The following SEC63 variants were observed in gnomAD, a reference collection of about 807,000 sequenced individuals.
SEC63 encodes the protein SEC63 protein translocation regulator, also known as translocation protein SEC63 homolog.
A neutral mutation model predicts 116.2 loss-of-function variants in SEC63; 56 were observed. The ratio of observed to expected loss-of-function variants is 0.48; its 90% CI spans 0.39 to 0.60. The LOEUF (loss-of-function observed/expected upper bound fraction) is 0.60. Among genes scored for constraint, SEC63 ranks in the 20% least tolerant of loss-of-function variants. The pLI, the probability that SEC63 is intolerant of heterozygous loss-of-function variation, is 0.00. For missense variants in SEC63, 668 were observed against 900.0 expected (o/e 0.74, Z 3.30); for synonymous variants, 273 against 294.6 (o/e 0.93, Z 0.75).
At position 107,901,520 on chromosome 6, in the gene SEC63, G is replaced by GAA; in HGVS notation, c.1210-5_1210-4dup. On this transcript the variant is annotated splice_region_variant and splice_polypyrimidine_tract_variant and intron_variant, in intron 12 of 20. Transcript: ENST00000369002. The stretch of plus-strand genomic sequence containing the variant: ...TCCTGGATAGTTTTAATTTTATACT[G>GAA]AATAAAAAAAAAAAAGAAAATACAT... The GAA allele has an allele frequency of 6.8e-7, 1 of 1,479,674 alleles. No homozygotes were observed. The highest frequency in any genetic ancestry group is 9.2e-7 in the Non-Finnish European group (1 of 1,087,572). 91.7% of individuals were successfully genotyped at this position (1,479,674 alleles called of 1,614,324 possible). A position where few individuals can be genotyped will look rare whatever the true frequency, so the allele number is the denominator to read the frequency against.
intron 16 of SEC63, among the ~76,000 whole-genome samples, chr6:107,885,240 C>T (rs752023079): frequency 1.3e-5 from 2 of 152,142 alleles, no homozygotes; most frequent in African/African-American, 2.4e-5. Flanking sequence ...TCTTTATTCA[C>T]AGATGGCAAC....
intron 2 of SEC63, 74 bp downstream of exon 2, chr6:107,929,341 T>C (rs1240543477): frequency 1.3e-5 from 10 of 781,712 alleles, no homozygotes; most frequent in Non-Finnish European, 2.0e-5. Context: ...TTATTCATCA[T>C]TACACGTATA....
At position 107,911,404 on chromosome 6, in the gene SEC63, T is replaced by A; in HGVS notation, c.574-8A>T. The A allele has an allele frequency of 2.5e-6, 4 of 1,587,250 alleles. No individual in the cohort carries two copies. The highest frequency in any genetic ancestry group is 2.6e-6 in the Non-Finnish European group (3 of 1,156,048). On this transcript the variant is annotated splice_polypyrimidine_tract_variant and splice_region_variant and intron_variant, in intron 6 of 20. Transcript: ENST00000369002. The stretch of plus-strand genomic sequence containing the variant: ...TCCATATACAAGTAAAACCTAAAAT[T>A]GAAGAGAAAAAGAATTATGGCCTTC...
intron 13 of SEC63, among the ~76,000 whole-genome samples, chr6:107,900,730 C>T (rs981977527): frequency 6.6e-6 from 1 of 152,120 alleles, no homozygotes; most frequent in Non-Finnish European, 1.5e-5. Flanking sequence ...AAAGAATGTT[C>T]TCATAATAGT....
At position 107,915,963 on chromosome 6, in the gene SEC63, C is replaced by A. The variant is rs536883853; in HGVS notation, c.453-2536G>T. On this transcript the variant is annotated intron_variant, in intron 4 of 20. Coordinates refer to ENST00000369002, the MANE Select transcript of SEC63 (RefSeq NM_007214.5). ...TAAGACATTTTATACATAAAATATT[C>A]TACAGTTTAACCACATAACTGAGTT... Among the ~76,000 whole-genome samples the A allele has an allele frequency of 3.9e-4, 60 of 152,250 alleles. No homozygotes were observed. In the South Asian group the frequency reaches 0.012, roughly 31 times the overall value.
chr6:107,885,849 A>G (rs1404660299), intron 16 of SEC63, among the ~76,000 whole-genome samples: 7 of 152,050 alleles, frequency 4.6e-5, no homozygotes, highest in Admixed American at 4.6e-4. Context: ...GACCTACAGT[A>G]TCATCTGTTG....
intron 19 of SEC63, among the ~76,000 whole-genome samples, chr6:107,874,587 C>CAGA (rs1375448314): frequency 1.5e-5 from 2 of 129,658 alleles, no homozygotes; most frequent in Non-Finnish European, 3.2e-5. Context: ...CACAGTGAGA[C>CAGA]TCTGTCTCAA....
At chr6:107,920,351 G>T (rs1008253270) in intron 4 of SEC63, among the ~76,000 whole-genome samples, 4 of 149,352 alleles carry the variant, frequency 2.7e-5, no homozygotes, top group African/African-American at 9.9e-5. Flanking sequence ...GCATGAACCT[G>T]GGAGGCAAAG....
chr6:107,888,305 C>T (rs961442771), intron 16 of SEC63, among the ~76,000 whole-genome samples: 1 of 152,132 alleles, frequency 6.6e-6, no homozygotes, highest in African/African-American at 2.4e-5. Flanking sequence ...AGAGGTCCTT[C>T]ACATCCCTTT....
intron 20 of SEC63, among the ~76,000 whole-genome samples, chr6:107,872,116 A>G (rs1786148944): frequency 6.6e-6 from 1 of 152,214 alleles, no homozygotes; most frequent in African/African-American, 2.4e-5. Flanking sequence ...ATGTATTTCT[A>G]TGGCATAAAA....
intron 1 of SEC63, among the ~76,000 whole-genome samples, chr6:107,941,995 A>C (rs1770388116): frequency 6.6e-6 from 1 of 152,246 alleles, no homozygotes; most frequent in African/African-American, 2.4e-5. Flanking sequence ...AGTAATTTTT[A>C]ATTTTTAAAA....
At chr6:107,926,180 T>C (rs1161272486) in intron 2 of SEC63, among the ~76,000 whole-genome samples, 1 of 152,232 alleles carries the variant, frequency 6.6e-6, no homozygotes, top group Non-Finnish European at 1.5e-5. Flanking sequence ...CTATCTTATA[T>C]TGTTAAATTT....
At chr6:107,873,020 G>T in intron 19 of SEC63, 108 bp from the exon 20 acceptor site, 1 of 729,932 alleles carries the variant, frequency 1.4e-6, no homozygotes, top group Non-Finnish European at 2.5e-6. Flanking sequence ...TTCTGCAGAT[G>T]ATACAGAAAG....
chr6:107,955,627 T>G (rs1307986429), intron 1 of SEC63, among the ~76,000 whole-genome samples: 2 of 152,176 alleles, frequency 1.3e-5, no homozygotes, highest in Non-Finnish European at 2.9e-5. Context: ...GGCTCATGCC[T>G]GTAGTCCCAG....
intron 19 of SEC63, among the ~76,000 whole-genome samples, chr6:107,875,649 G>A (rs1005166619): frequency 2.4e-4 from 36 of 152,102 alleles, no homozygotes; most frequent in Non-Finnish European, 2.6e-4. Context: ...GCAGTGAGCC[G>A]ATATTGTACC....
intron 1 of SEC63, chr6:107,956,179 A>T (rs936606392): frequency 1.6e-5 from 3 of 186,862 alleles, no homozygotes; most frequent in Middle Eastern, 1.6e-3. Flanking sequence ...TTCTGAAATC[A>T]GGGCAGTTTC....
rs370485907 is a variant in SEC63, at chr6:107,901,523, T to TA, written c.1210-7dup. 0.094 allele frequency: 92,898 copies of TA among 993,430 alleles called. 4 individuals are homozygous for TA. Among genetic ancestry groups the TA allele is most frequent in the South Asian group, 0.12 (5,747 of 49,778 alleles). The allele number at this position is 993,430 out of a possible 1,614,324, so 61.5% of individuals were successfully genotyped here. On this transcript the variant is annotated splice_region_variant and splice_polypyrimidine_tract_variant and intron_variant, in intron 12 of 20. Transcript: ENST00000369002. ...TGGATAGTTTTAATTTTATACTGAATAAAAAAAAAAAAGAAAATACATAAT... is the reference window on the plus strand; with the variant it reads ...TGGATAGTTTTAATTTTATACTGAATAAAAAAAAAAAAAGAAAATACATAAT...
intron 1 of SEC63, chr6:107,954,528 G>A (rs1009279331): frequency 7.6e-6 from 1 of 131,596 alleles, no homozygotes; most frequent in Admixed American, 7.7e-5. Flanking sequence ...AAGTAACACA[G>A]CGTTTACACT....
chr6:107,879,716 ATTTT>A (rs1786367322), intron 18 of SEC63, among the ~76,000 whole-genome samples: 1 of 128,084 alleles, frequency 7.8e-6, no homozygotes. Flanking sequence ...TGATAAAATG[ATTTT>A]TATCTTTTTT....
Sources: allele counts gnomAD v4.1 joint callset (sites outside exome capture counted in the v4.1 genomes callset), GRCh38; gene constraint gnomAD v4.1.1; transcripts MANE v1.5; gene names NCBI Gene and HGNC (gene_info 2026-07-23, HGNC 2026-07-21).